Variants in MYO18B observed in about 807,000 individuals in gnomAD.
MYO18B encodes the protein myosin XVIIIB.
A neutral mutation model predicts 273.0 loss-of-function variants in MYO18B; 204 were observed. The observed-to-expected ratio is 0.75, with a 90% CI of 0.67 to 0.84. The LOEUF is 0.84. MYO18B is among the 40% of genes least tolerant of loss of function. The probability of loss-of-function intolerance (pLI) is 0.00; values close to 1 mark genes in which losing one functional copy is unlikely to be tolerated. For synonymous variants in MYO18B, 1,330 were observed against 1,305.7 expected, an observed-to-expected ratio of 1.02 and a Z score of -0.40; for missense variants, 3,212 against 3,287.6, an observed-to-expected ratio of 0.98 and a Z score of 0.56.
At chr22:26,037,689 T>C in the MYO18B span, among the ~76,000 whole-genome samples, 1 of 152,202 alleles carries the variant, frequency 6.6e-6, no homozygotes, top group African/African-American at 2.4e-5. Context: ...GGTAAGAGGA[T>C]TGTTCCATAG....
chr22:25,923,116 T>G (rs2092372477), intron 34 of MYO18B, among the ~76,000 whole-genome samples: 1 of 152,336 alleles, frequency 6.6e-6, no homozygotes, highest in East Asian at 1.9e-4. Context: ...TCTTCTAATC[T>G]GGGTTTGATG....
At chr22:26,000,237 G>A (rs116000908) in intron 40 of MYO18B, among the ~76,000 whole-genome samples, 4,853 of 152,094 alleles carry the variant, frequency 0.032, 265 homozygotes, top group African/African-American at 0.11. Flanking sequence ...TGTTTCAAAC[G>A]TCCTCCTTAT....
At position 25,780,130 on chromosome 22, in the gene MYO18B, AC is replaced by A. The variant is rs1325093674; in HGVS notation, c.2146del (p.Arg716GlyfsTer5). The A allele has an allele frequency of 6.2e-7, 1 of 1,604,732 alleles. No homozygotes were observed. The highest frequency in any genetic ancestry group is 8.5e-7 in the Non-Finnish European group (1 of 1,176,724). ...SVSMAHSRSA[T>X]RFSMVMSLDF... The stretch of plus-strand genomic sequence containing the variant: ...GTCCATGGCCCACAGCCGCAGTGCC[AC>A]CCGGTTCTCCATGGTGATGTCGCTG... On this transcript the variant is annotated frameshift_variant, in exon 9 of 44. Coordinates refer to ENST00000335473, the MANE Select transcript of MYO18B (RefSeq NM_032608.7). LOFTEE classifies it high-confidence loss of function.
intron 39 of MYO18B, among the ~76,000 whole-genome samples, chr22:25,990,984 A>T (rs192854999): frequency 6.6e-6 from 1 of 152,152 alleles, no homozygotes; most frequent in East Asian, 1.9e-4. Flanking sequence ...TCAATTCTCC[A>T]TGAGTGTTAT....
At chr22:25,962,196 G>C (rs573591024) in intron 39 of MYO18B, among the ~76,000 whole-genome samples, 24 of 152,268 alleles carry the variant, frequency 1.6e-4, no homozygotes, top group African/African-American at 5.8e-4. Context: ...CATGCATCCT[G>C]CTGCCTGCCT....
intron 2 of MYO18B, among the ~76,000 whole-genome samples, chr22:25,761,555 G>C (rs977539542): frequency 3.3e-5 from 5 of 152,140 alleles, no homozygotes; most frequent in African/African-American, 1.2e-4. Context: ...CTGCCTTCGG[G>C]CACCATAGAG....
At chr22:25,992,545 TG>T (rs2093281040) in intron 40 of MYO18B, 52 bp downstream of exon 40, 5 of 1,609,794 alleles carry the variant, frequency 3.1e-6, no homozygotes, top group Middle Eastern at 1.7e-4. Flanking sequence ...GGCGGCATCC[TG>T]GGGAGCTCTA....
chr22:25,961,530 G>T (rs1253372514), intron 39 of MYO18B, among the ~76,000 whole-genome samples: 1 of 152,154 alleles, frequency 6.6e-6, no homozygotes, highest in Non-Finnish European at 1.5e-5. Flanking sequence ...GAGCCATTAT[G>T]GAGAAAATAA....
Position 25,908,321 on chromosome 22 carries a change from G to A in MYO18B, c.5149-1G>A. 1 of 1,574,598 alleles carries A rather than the reference G, an allele frequency of 6.4e-7. No homozygotes were observed. On this transcript the variant is annotated splice_acceptor_variant, in intron 31 of 43. Coordinates refer to ENST00000335473, the MANE Select transcript of MYO18B (RefSeq NM_032608.7). LOFTEE classifies it high-confidence loss of function. ...ACGTGCTGTCCTTGCTGCCCCCGCAGCTCCGCCAGCGGTTTGAGCTGGAGA... is the reference window on the plus strand; with the variant it reads ...ACGTGCTGTCCTTGCTGCCCCCGCAACTCCGCCAGCGGTTTGAGCTGGAGA...
In MYO18B at chr22:25,992,371, C is replaced by G; in HGVS notation, c.6165C>G (p.Tyr2055Ter). The change falls in exon 40 of 44, where the codon TAC becomes TAG. Residue 2055 changes from tyrosine to a stop codon, truncating the protein, a stop_gained. Coordinates refer to ENST00000335473, the MANE Select transcript of MYO18B (RefSeq NM_032608.7). LOFTEE classifies it high-confidence loss of function. ...ASRRCMELEKYVEELAAVRQT... is the reference protein window; with the variant it reads ...ASRRCMELEK Reference sequence around the variant, plus strand: ...GCATCTTCTGTCCCCAGGAGAAGTACGTGGAGGAACTTGCAGCAGTGAGGC... The same window carrying G: ...GCATCTTCTGTCCCCAGGAGAAGTAGGTGGAGGAACTTGCAGCAGTGAGGC... 1 of 1,613,758 alleles carries G rather than the reference C, an allele frequency of 6.2e-7. No individual in the cohort carries two copies. Among genetic ancestry groups the G allele is most frequent in the Non-Finnish European group, 8.5e-7 (1 of 1,179,776 alleles).
chr22:25,859,234 A>G (rs1195960920), intron 21 of MYO18B, among the ~76,000 whole-genome samples: 1 of 152,236 alleles, frequency 6.6e-6, no homozygotes, highest in African/African-American at 2.4e-5. Flanking sequence ...TTTTTTGATT[A>G]ATAGTAGTAG....
chr22:25,788,706 G>C (rs2087504586), intron 11 of MYO18B, among the ~76,000 whole-genome samples: 1 of 152,116 alleles, frequency 6.6e-6, no homozygotes, highest in African/African-American at 2.4e-5. Context: ...TTCATCCCTG[G>C]CTGAGCCCTC....
rs190549540 is a variant in MYO18B, at chr22:25,753,431, C to T, written c.-109-7553C>T. Among the ~76,000 whole-genome samples, 521 of 152,288 alleles carry T rather than the reference C, an allele frequency of 3.4e-3. 4 individuals are homozygous for T. The highest frequency in any genetic ancestry group is 0.012 in the African/African-American group (482 of 41,566). On this transcript the variant is annotated intron_variant, in intron 1 of 43. Coordinates refer to ENST00000335473, the MANE Select transcript of MYO18B (RefSeq NM_032608.7). ...GCTCTTTGTAAAACGGACCAATCAG[C>T]TCTCTGTAAAATGGTCCAATCGGCA...
Position 25,772,373 on chromosome 22 carries a change from T to C in MYO18B, c.1732T>C (p.Ser578Pro), listed in dbSNP as rs749961232. 3 of 1,613,964 alleles carry C rather than the reference T, an allele frequency of 1.9e-6. No homozygotes were observed. Among genetic ancestry groups the C allele is most frequent in the Non-Finnish European group, 2.5e-6 (3 of 1,179,880 alleles). ...PELDQVEDLASLISVNESSVL... is the reference protein window; with the variant it reads ...PELDQVEDLAPLISVNESSVL... The stretch of plus-strand genomic sequence containing the variant: ...GCTGGACCAGGTCGAGGACCTGGCC[T>C]CTCTCATCAGTGTCAACGAATCCAG... The change falls in exon 7 of 44, where the codon TCT (serine) becomes CCT (proline). Residue 578 changes from serine (S) to proline (P), a missense_variant. Transcript: ENST00000335473.
intron 25 of MYO18B, among the ~76,000 whole-genome samples, chr22:25,885,768 G>C (rs1286212817): frequency 6.6e-6 from 1 of 152,094 alleles, no homozygotes; most frequent in Non-Finnish European, 1.5e-5. Flanking sequence ...ACACTTGGGG[G>C]GCCCTAATGG....
chr22:26,031,458 C>T (rs1239494439), downstream of MYO18B, among the ~76,000 whole-genome samples: 1 of 152,202 alleles, frequency 6.6e-6, no homozygotes, highest in Non-Finnish European at 1.5e-5. Context: ...TGTGTCTCCT[C>T]AGTTCATCTT....
chr22:26,028,187 G>A (rs1936406966), intron 43 of MYO18B, among the ~76,000 whole-genome samples: 1 of 150,550 alleles, frequency 6.6e-6, no homozygotes, highest in Admixed American at 6.6e-5. Flanking sequence ...AGAGGTTGCA[G>A]TGAGCTGAGG....
intron 16 of MYO18B, among the ~76,000 whole-genome samples, chr22:25,833,565 C>A (rs1038764282): frequency 1.3e-5 from 2 of 152,162 alleles, no homozygotes; most frequent in African/African-American, 4.8e-5. Flanking sequence ...CTGCCCTTGA[C>A]AATTTCACTT....
chr22:25,982,584 C>T (rs764762207), intron 39 of MYO18B, among the ~76,000 whole-genome samples: 1 of 152,178 alleles, frequency 6.6e-6, no homozygotes, highest in Admixed American at 6.5e-5. Context: ...TCTGTTCCAG[C>T]CTCTTCTAGC....
Sources: gnomAD v4.1 joint callset for allele counts (sites outside exome capture counted in the v4.1 genomes callset) on GRCh38, gnomAD v4.1.1 for gene constraint, MANE v1.5 for transcripts, NCBI Gene and HGNC (gene_info 2026-07-23, HGNC 2026-07-21) for gene names.